Variants in FSTL5 observed in about 807,000 individuals in gnomAD.
The protein encoded by FSTL5 is follistatin like 5.
A neutral mutation model predicts 89.1 loss-of-function variants in FSTL5; 62 were observed. The ratio of observed to expected loss-of-function variants is 0.70; its 90% CI spans 0.57 to 0.86. The LOEUF is 0.86. Ranked by LOEUF, FSTL5 falls within the 40% of genes least tolerant of loss-of-function variation. FSTL5 has a pLI of 0.00. For synonymous variants in FSTL5, 383 were observed against 346.2 expected, an observed-to-expected ratio of 1.11 and a Z score of -1.18; for missense variants, 1,057 against 1,001.6, an observed-to-expected ratio of 1.06 and a Z score of -0.75.
intron 7 of FSTL5, among the ~76,000 whole-genome samples, chr4:161,641,386 T>C (rs1184728805): frequency 6.6e-6 from 1 of 151,916 alleles, no homozygotes; most frequent in Non-Finnish European, 1.5e-5. Context: ...GTACAGAATG[T>C]AAAAAGATGT....
intron 3 of FSTL5, among the ~76,000 whole-genome samples, chr4:162,024,800 C>CCA (rs1737218159): frequency 6.6e-6 from 1 of 151,998 alleles, no homozygotes; most frequent in African/African-American, 2.4e-5. Flanking sequence ...TACACACCTG[C>CCA]CACCATGCTA....
At chr4:161,798,982 A>G (rs899263550) in intron 4 of FSTL5, among the ~76,000 whole-genome samples, 2 of 151,696 alleles carry the variant, frequency 1.3e-5, no homozygotes, top group African/African-American at 2.4e-5. Context: ...CCCTACTGAA[A>G]GATCAAAAAG....
At chr4:162,143,810 ACAC>A (rs1732855928) in intron 1 of FSTL5, among the ~76,000 whole-genome samples, 1 of 140,032 alleles carries the variant, frequency 7.1e-6, no homozygotes, top group Non-Finnish European at 1.6e-5. Context: ...ACACACACAC[ACAC>A]ACACACATAC....
At chr4:161,897,801 G>A (rs916103364) in intron 4 of FSTL5, among the ~76,000 whole-genome samples, 3 of 151,338 alleles carry the variant, frequency 2.0e-5, no homozygotes, top group African/African-American at 7.3e-5. Context: ...TTTTGTAAAT[G>A]TATAATGTGA....
chr4:162,043,087 A>T (rs1054589647), intron 2 of FSTL5: 7 of 152,144 alleles, frequency 4.6e-5, no homozygotes, highest in Non-Finnish European at 1.5e-5. Context: ...CCTAAAACTT[A>T]AAGTATAATA....
intron 4 of FSTL5, among the ~76,000 whole-genome samples, chr4:161,832,330 G>C (rs1730873099): frequency 6.6e-6 from 1 of 152,046 alleles, no homozygotes; most frequent in Non-Finnish European, 1.5e-5. Context: ...AGAAATCGTG[G>C]AGTTCATTAT....
intron 4 of FSTL5, among the ~76,000 whole-genome samples, chr4:161,891,835 T>C (rs1426070676): frequency 6.6e-6 from 1 of 152,032 alleles, no homozygotes; most frequent in Admixed American, 6.6e-5. Context: ...ATAGATCTTA[T>C]AATGCTCATC....
chr4:162,060,150 C>T (rs543114899), intron 2 of FSTL5, among the ~76,000 whole-genome samples: 1 of 152,158 alleles, frequency 6.6e-6, no homozygotes, highest in South Asian at 2.1e-4. Context: ...TAAATTAGTT[C>T]CCTATTTTCA....
chr4:162,043,649 A>G (rs1353004463), intron 2 of FSTL5, among the ~76,000 whole-genome samples: 1 of 152,154 alleles, frequency 6.6e-6, no homozygotes, highest in Admixed American at 6.6e-5. Flanking sequence ...TGTAGCATGT[A>G]ATGCATTTCA....
chr4:162,066,914 G>C (rs925232634), intron 2 of FSTL5, among the ~76,000 whole-genome samples: 1 of 152,046 alleles, frequency 6.6e-6, no homozygotes, highest in Admixed American at 6.6e-5. Context: ...TGTCTTTATA[G>C]TAGAATGAAT....
At chr4:161,686,323 TATATATATATATATATATATATA>T (rs1486701593) in intron 6 of FSTL5, among the ~76,000 whole-genome samples, 139 of 6,148 alleles carry the variant, frequency 0.023, 1 homozygote, top group South Asian at 0.16. Context: ...TATATATATA[TATATATATATATATATATATATA>T]TTTTTTTTTT....
chr4:161,394,422 C>G (rs1005148336), intron 15 of FSTL5, among the ~76,000 whole-genome samples: 1 of 151,996 alleles, frequency 6.6e-6, no homozygotes, highest in Admixed American at 6.6e-5. Flanking sequence ...ATCACAGAGG[C>G]GTGCCACCGT....
At chr4:161,527,478 G>C (rs1731264690) in intron 10 of FSTL5, among the ~76,000 whole-genome samples, 1 of 151,236 alleles carries the variant, frequency 6.6e-6, no homozygotes, top group African/African-American at 2.5e-5. Context: ...TCAAAAAGTG[G>C]GTGAAGGACA....
chr4:161,411,321 C>G (rs1296533723), intron 15 of FSTL5, among the ~76,000 whole-genome samples: 1 of 151,986 alleles, frequency 6.6e-6, no homozygotes, highest in African/African-American at 2.4e-5. Context: ...GGAGTTCCTT[C>G]CTAACTTATT....
chr4:161,439,829 T>G (rs1334610587), intron 15 of FSTL5, among the ~76,000 whole-genome samples: 2 of 152,166 alleles, frequency 1.3e-5, no homozygotes, highest in African/African-American at 4.8e-5. Flanking sequence ...AAAATTAAGT[T>G]ATATAGACAT....
intron 4 of FSTL5, among the ~76,000 whole-genome samples, chr4:161,786,486 T>A (rs1741908329): frequency 6.6e-6 from 1 of 152,120 alleles, no homozygotes; most frequent in Non-Finnish European, 1.5e-5. Context: ...TTGAGAGACA[T>A]TGTTCTGTAA....
intron 15 of FSTL5, among the ~76,000 whole-genome samples, chr4:161,445,680 T>C (rs993778527): frequency 1.9e-4 from 29 of 152,006 alleles, no homozygotes; most frequent in African/African-American, 6.8e-4. Flanking sequence ...TACGTCATTT[T>C]CATCCATGAC....
intron 2 of FSTL5, among the ~76,000 whole-genome samples, chr4:162,066,934 T>C (rs1178508265): frequency 1.3e-5 from 2 of 152,104 alleles, no homozygotes; most frequent in African/African-American, 2.4e-5. Context: ...TTATAATCCT[T>C]TGGTTATATA....
chr4:161,699,037 A>T (rs1738284023), intron 6 of FSTL5, among the ~76,000 whole-genome samples: 1 of 152,178 alleles, frequency 6.6e-6, no homozygotes, highest in Admixed American at 6.5e-5. Flanking sequence ...TGTGAAAAGC[A>T]TGAGGCATAG....
Sources: gnomAD v4.1 joint callset for allele counts (sites outside exome capture counted in the v4.1 genomes callset) on GRCh38, gnomAD v4.1.1 for gene constraint, MANE v1.5 for transcripts, NCBI Gene and HGNC (gene_info 2026-07-23, HGNC 2026-07-21) for gene names.